The following ATG10 variants were observed in gnomAD, a reference collection of about 807,000 sequenced individuals.
ATG10 encodes the protein ubiquitin-like-conjugating enzyme ATG10.
Under a neutral mutation model 32.1 loss-of-function variants are expected in ATG10, and 30 were observed. That is an observed-to-expected ratio of 0.94 (90% CI 0.70 to 1.27). The LOEUF is 1.27. Among genes scored for constraint, ATG10 ranks in the 50% most tolerant of loss-of-function variants. The pLI, the probability that ATG10 is intolerant of heterozygous loss-of-function variation, is 0.00. For synonymous variants in ATG10, 87 were observed against 91.5 expected (o/e 0.95, Z 0.28); for missense variants, 233 against 262.3 (o/e 0.89, Z 0.77).
At chr5:82,216,403 G>A (rs1019451393) in intron 5 of ATG10, among the ~76,000 whole-genome samples, 1 of 152,182 alleles carries the variant, frequency 6.6e-6, no homozygotes, top group Non-Finnish European at 1.5e-5. Flanking sequence ...CCAGAGAAGA[G>A]ACATATATTA....
chr5:82,038,140 AAAT>A (rs1219621989), intron 2 of ATG10, among the ~76,000 whole-genome samples: 1 of 152,178 alleles, frequency 6.6e-6, no homozygotes, highest in Admixed American at 6.5e-5. Context: ...TTATTTTGGA[AAAT>A]AATTTCATGA....
At chr5:82,220,857 A>C (rs915869361) in intron 5 of ATG10, among the ~76,000 whole-genome samples, 18 of 150,304 alleles carry the variant, frequency 1.2e-4, no homozygotes, top group Non-Finnish European at 1.8e-4. Flanking sequence ...TGCCTCCTGG[A>C]TTCAAGCAAT....
At chr5:82,232,744 C>T (rs561513536) in intron 5 of ATG10, among the ~76,000 whole-genome samples, 2 of 137,354 alleles carry the variant, frequency 1.5e-5, no homozygotes, top group South Asian at 4.4e-4. Context: ...TGTCTTCATT[C>T]TCCACCCAGC....
intron 2 of ATG10, among the ~76,000 whole-genome samples, chr5:82,028,062 T>G (rs1407128673): frequency 6.6e-6 from 1 of 152,230 alleles, no homozygotes; most frequent in Non-Finnish European, 1.5e-5. Context: ...AAAGCCAAAC[T>G]GTCTCAAACA....
At position 81,996,795 on chromosome 5, in the gene ATG10, AT is replaced by A. The variant is rs1309169702; in HGVS notation, c.108+9123del. Among the ~76,000 whole-genome samples the A allele has an allele frequency of 2.6e-5, 4 of 152,318 alleles. No homozygotes were observed. In the East Asian group the frequency reaches 5.8e-4, roughly 22 times the overall value. On this transcript the variant is annotated intron_variant, in intron 2 of 7. Transcript: ENST00000282185. Reference sequence around the variant, plus strand: ...TATGACTTGTATCCTCATGCAAGTTATTTTTTCTTTCACATCCTTAGTTTTT... The same window carrying A: ...TATGACTTGTATCCTCATGCAAGTTATTTTTCTTTCACATCCTTAGTTTTT...
At chr5:82,224,863 C>A (rs1437876476) in intron 5 of ATG10, among the ~76,000 whole-genome samples, 3 of 152,188 alleles carry the variant, frequency 2.0e-5, no homozygotes, top group East Asian at 3.8e-4. Flanking sequence ...ATTCCTGTCA[C>A]AAGGGGAAGT....
chr5:81,974,604 T>C (rs1188259854), intron 1 of ATG10, among the ~76,000 whole-genome samples: 1 of 152,190 alleles, frequency 6.6e-6, no homozygotes, highest in African/African-American at 2.4e-5. Context: ...GGTTTTTTGG[T>C]TTCTTCTTTT....
Position 82,220,459 on chromosome 5 carries a change from T to C in ATG10, c.454-32103T>C, listed in dbSNP as rs1158661774. On this transcript the variant is annotated intron_variant, in intron 5 of 7. Transcript: ENST00000282185. ...TTGTATTTTTAGTAGAGATGGGGTT[T>C]CACTGTGTTAGCCAGGATGGTCTCG... Among the ~76,000 whole-genome samples, 3 of 151,944 alleles carry C rather than the reference T, an allele frequency of 2.0e-5. No individual in the cohort carries two copies. The South Asian group carries it at 6.2e-4, about 32-fold the overall frequency.
At chr5:82,164,362 A>C in intron 3 of ATG10, 37 bp from the exon 4 acceptor site, 1 of 1,604,070 alleles carries the variant, frequency 6.2e-7, no homozygotes, top group East Asian at 2.2e-5. Flanking sequence ...TTTCTTATTA[A>C]GAAACCCGTT....
At chr5:82,035,520 A>G (rs926984882) in intron 2 of ATG10, among the ~76,000 whole-genome samples, 1 of 152,118 alleles carries the variant, frequency 6.6e-6, no homozygotes, top group African/African-American at 2.4e-5. Context: ...TTTTTCTCAT[A>G]TGCTCTATAA....
chr5:82,050,142 T>A (rs1034503637), intron 2 of ATG10, among the ~76,000 whole-genome samples: 1 of 152,116 alleles, frequency 6.6e-6, no homozygotes, highest in African/African-American at 2.4e-5. Flanking sequence ...ACCTAACATA[T>A]CAGTGACATC....
chr5:81,978,014 C>G (rs867312110), intron 1 of ATG10, among the ~76,000 whole-genome samples: 1 of 152,102 alleles, frequency 6.6e-6, no homozygotes, highest in South Asian at 2.1e-4. Context: ...ATTTTAAAGA[C>G]ACTTTGCTCT....
chr5:81,977,051 T>C (rs1760893885), intron 1 of ATG10, among the ~76,000 whole-genome samples: 1 of 152,040 alleles, frequency 6.6e-6, no homozygotes, highest in South Asian at 2.1e-4. Context: ...AATTTTTGTA[T>C]TTTTTTGTAG....
chr5:82,101,767 A>C (rs542448449), intron 3 of ATG10, among the ~76,000 whole-genome samples: 53 of 152,302 alleles, frequency 3.5e-4, no homozygotes, highest in African/African-American at 1.3e-3. Context: ...AAGAGACCTG[A>C]TATGTAGTTT....
intron 2 of ATG10, chr5:82,010,155 T>G: frequency 7.4e-7 from 1 of 1,350,014 alleles, no homozygotes; most frequent in Non-Finnish European, 1.1e-6. Flanking sequence ...TTATATTTCT[T>G]GTCCTCAAGG....
At chr5:82,103,761 A>G (rs866327778) in intron 3 of ATG10, among the ~76,000 whole-genome samples, 2 of 152,038 alleles carry the variant, frequency 1.3e-5, no homozygotes, top group Non-Finnish European at 2.9e-5. Context: ...AAGTGTTTTA[A>G]AAAGCTTGGT....
At chr5:82,152,126 A>G (rs1422941365) in intron 3 of ATG10, among the ~76,000 whole-genome samples, 2 of 152,244 alleles carry the variant, frequency 1.3e-5, no homozygotes, top group Admixed American at 1.3e-4. Flanking sequence ...ATTACTAAAT[A>G]AAATAAGTTT....
At chr5:82,036,243 A>T (rs1051716231) in intron 2 of ATG10, among the ~76,000 whole-genome samples, 5 of 152,042 alleles carry the variant, frequency 3.3e-5, no homozygotes, top group Non-Finnish European at 7.4e-5. Context: ...TGTTTTCTAG[A>T]GTCTGTTTTC....
At chr5:82,240,325 A>T (rs1383210418) in intron 5 of ATG10, among the ~76,000 whole-genome samples, 1 of 152,244 alleles carries the variant, frequency 6.6e-6, no homozygotes, top group African/African-American at 2.4e-5. Flanking sequence ...ACAATAGAAT[A>T]TTATTCAGCC....
Sources: allele counts gnomAD v4.1 joint callset (sites outside exome capture counted in the v4.1 genomes callset), GRCh38; gene constraint gnomAD v4.1.1; transcripts MANE v1.5; gene names NCBI Gene and HGNC (gene_info 2026-07-23, HGNC 2026-07-21).